The following ZYG11A variants were observed in gnomAD, a reference collection of about 807,000 sequenced individuals.
ZYG11A encodes protein zyg-11 homolog A.
ZYG11A carries 62 observed loss-of-function variants against 77.2 expected under a neutral mutation model. The observed-to-expected ratio is 0.80, with a 90% CI of 0.65 to 0.99. The LOEUF (loss-of-function observed/expected upper bound fraction) is 0.99. ZYG11A is among the 50% of genes least tolerant of loss of function. ZYG11A has a pLI of 0.00. For missense variants in ZYG11A, 828 were observed against 896.8 expected (o/e 0.92, Z 0.98); for synonymous variants, 315 against 324.6 (o/e 0.97, Z 0.32).
intron 8 of ZYG11A, among the ~76,000 whole-genome samples, chr1:52,874,089 C>T (rs1646218519): frequency 3.5e-5 from 3 of 85,632 alleles, no homozygotes; most frequent in Admixed American, 2.7e-4. Context: ...GAAACTGCCA[C>T]AGCCACCCCA....
chr1:52,843,081 G>A, intron 1 of ZYG11A, 108 bp downstream of exon 1: 1 of 960,118 alleles, frequency 1.0e-6, no homozygotes, highest in Non-Finnish European at 1.4e-6. Context: ...GGGGAGTGTG[G>A]CCCGCGCGGG....
At chr1:52,851,201 A>G (rs774012213) in intron 1 of ZYG11A, among the ~76,000 whole-genome samples, 8 of 151,142 alleles carry the variant, frequency 5.3e-5, no homozygotes, top group Admixed American at 1.3e-4. Flanking sequence ...ACCCTACCAC[A>G]TCTGGCTAAT....
intron 10 of ZYG11A, among the ~76,000 whole-genome samples, chr1:52,878,489 A>G (rs1476791310): frequency 2.0e-5 from 3 of 152,208 alleles, no homozygotes; most frequent in Non-Finnish European, 2.9e-5. Flanking sequence ...AACACAGGTT[A>G]TATATTTAAG....
rs904155896 is a variant in ZYG11A, at chr1:52,892,779, C to G, written c.2105-3C>G. 6.4e-7 allele frequency: 1 copy of G among 1,551,280 alleles called. No homozygotes were observed. ...GGAGTGTCTCTGCTTGATTTTCTTT[C>G]AGCCAGCAAATACTGCAAAATGTTA... On this transcript the variant is annotated splice_region_variant and splice_polypyrimidine_tract_variant and intron_variant, in intron 13 of 13. Coordinates refer to ENST00000371528, the MANE Select transcript of ZYG11A (RefSeq NM_001004339.3).
chr1:52,863,984 G>A lies in ZYG11A; in HGVS notation c.1153G>A (p.Val385Met). ...EVTMPAILKLVAIGMRNHPLD... is the reference protein window; with the variant it reads ...EVTMPAILKLMAIGMRNHPLD... ...CTAAAAACAAGTTCATCTTCAGCTT[G>A]TGGCTATAGGAATGAGGAATCACCC... The change falls in exon 5 of 14, where the codon GTG becomes ATG. Residue 385 changes from valine (V) to methionine (M), a missense_variant. Val to Met is a conservative substitution (Grantham distance 21, BLOSUM62 1). Coordinates refer to ENST00000371528, the MANE Select transcript of ZYG11A (RefSeq NM_001004339.3). The A allele has an allele frequency of 6.5e-7, 1 of 1,548,736 alleles. No individual in the cohort carries two copies. Among genetic ancestry groups the A allele is most frequent in the Non-Finnish European group, 8.7e-7 (1 of 1,145,446 alleles).
intron 1 of ZYG11A, among the ~76,000 whole-genome samples, chr1:52,850,700 C>T (rs1183601003): frequency 3.3e-5 from 5 of 152,030 alleles, no homozygotes; most frequent in Admixed American, 1.3e-4. Context: ...GTGATCTGCC[C>T]GCCTCGGCCT....
intron 3 of ZYG11A, 22 bp from the exon 4 acceptor site, chr1:52,860,709 T>G: frequency 5.2e-6 from 8 of 1,549,298 alleles, no homozygotes; most frequent in Non-Finnish European, 7.0e-6. Context: ...TGAAACCTGT[T>G]TGGTAACATC....
chr1:52,885,318 TTG>T (rs772425285), intron 11 of ZYG11A, among the ~76,000 whole-genome samples: 149 of 116,296 alleles, frequency 1.3e-3, no homozygotes, highest in Middle Eastern at 4.7e-3. Flanking sequence ...GTTTTTTGTT[TTG>T]TGTTTTGTTT....
chr1:52,888,682 G>T (rs559174530), intron 13 of ZYG11A, among the ~76,000 whole-genome samples: 3 of 152,288 alleles, frequency 2.0e-5, no homozygotes, highest in Non-Finnish European at 4.4e-5. Context: ...TATGGGCTCA[G>T]CCTGGTGGCT....
intron 11 of ZYG11A, 24 bp from the exon 12 acceptor site, chr1:52,885,809 T>C: frequency 1.3e-6 from 2 of 1,502,390 alleles, no homozygotes; most frequent in Non-Finnish European, 1.8e-6. Flanking sequence ...AAATGTTGGT[T>C]TCTCTCTCTT....
chr1:52,879,784 T>TTATC (rs1373128295), intron 10 of ZYG11A, among the ~76,000 whole-genome samples: 1 of 150,892 alleles, frequency 6.6e-6, no homozygotes, highest in East Asian at 1.9e-4. Flanking sequence ...ATTTATTTAT[T>TTATC]TTTGTCTCGC....
intron 11 of ZYG11A, 57 bp downstream of exon 11, chr1:52,881,722 T>G (rs1254768308): frequency 7.6e-7 from 1 of 1,319,784 alleles, no homozygotes; most frequent in Non-Finnish European, 1.0e-6. Context: ...TTACAGAAAA[T>G]GTAGTTTCCT....
chr1:52,873,995 AT>A (rs560841891), intron 8 of ZYG11A, among the ~76,000 whole-genome samples: 3 of 151,866 alleles, frequency 2.0e-5, no homozygotes, highest in African/African-American at 4.8e-5. Context: ...AAAAAAAAAA[AT>A]AAATAAATAA....
At chr1:52,869,542 A>G (rs1188573922) in intron 8 of ZYG11A, among the ~76,000 whole-genome samples, 1 of 151,780 alleles carries the variant, frequency 6.6e-6, no homozygotes. Context: ...CACATGTTTC[A>G]GAGAGCACAG....
At chr1:52,862,242 G>A (rs1380767165) in intron 4 of ZYG11A, among the ~76,000 whole-genome samples, 2 of 150,982 alleles carry the variant, frequency 1.3e-5, no homozygotes, top group Non-Finnish European at 2.9e-5. Flanking sequence ...GGGCATGGTT[G>A]TACATGCCTA....
In ZYG11A at chr1:52,842,824, G is replaced by T; in HGVS notation, c.-60G>T. Reference sequence around the variant, plus strand: ...TGGCAGCCGCCCGCTTGGTTCTCGCGGGATCCGGGCTCCGGCTCGACGCCG... The same window carrying T: ...TGGCAGCCGCCCGCTTGGTTCTCGCTGGATCCGGGCTCCGGCTCGACGCCG... On this transcript the variant is annotated 5_prime_UTR_variant, in exon 1 of 14. Transcript: ENST00000371528. 1 of 1,482,458 alleles carries T rather than the reference G, an allele frequency of 6.7e-7. No individual in the cohort carries two copies. The highest frequency in any genetic ancestry group is 1.3e-5 in the South Asian group (1 of 79,652). The allele number at this position is 1,482,458 out of a possible 1,614,324, so 91.8% of individuals were successfully genotyped here. A position where few individuals can be genotyped will look rare whatever the true frequency, so the allele number is the denominator to read the frequency against.
intron 2 of ZYG11A, among the ~76,000 whole-genome samples, chr1:52,856,476 AAAT>A (rs1351781538): frequency 6.5e-5 from 9 of 139,460 alleles, no homozygotes; most frequent in African/African-American, 1.9e-4. Context: ...AAAAAAAAAA[AAAT>A]ATGTGTAGTA....
At chr1:52,843,688 C>CT (rs71044427) in intron 1 of ZYG11A, among the ~76,000 whole-genome samples, 3,924 of 130,442 alleles carry the variant, frequency 0.03, 261 homozygotes, top group East Asian at 0.23. Context: ...TTCTTTCTTT[C>CT]TTTTTTTTTT....
intron 1 of ZYG11A, among the ~76,000 whole-genome samples, chr1:52,852,579 G>C (rs1645734524): frequency 6.6e-6 from 1 of 152,004 alleles, no homozygotes; most frequent in South Asian, 2.1e-4. Flanking sequence ...GGCCAGGCTG[G>C]TCTCAAACTC....
Sources: gnomAD v4.1 joint callset for allele counts (sites outside exome capture counted in the v4.1 genomes callset) on GRCh38, gnomAD v4.1.1 for gene constraint, MANE v1.5 for transcripts, NCBI Gene and HGNC (gene_info 2026-07-23, HGNC 2026-07-21) for gene names.